Variants in SAMD4A observed in about 807,000 individuals in gnomAD.
The protein encoded by SAMD4A is protein Smaug homolog 1.
A neutral mutation model predicts 81.3 loss-of-function variants in SAMD4A; 33 were observed. That is an observed-to-expected ratio of 0.41 (90% CI 0.31 to 0.54). The LOEUF is 0.54. Ranked by LOEUF, SAMD4A falls within the 20% of genes least tolerant of loss-of-function variation. The pLI, the probability that SAMD4A is intolerant of heterozygous loss-of-function variation, is 0.37. For missense variants in SAMD4A, 854 were observed against 951.1 expected (o/e 0.90, Z 1.34); for synonymous variants, 389 against 382.1 (o/e 1.02, Z -0.21).
chr14:54,579,792 A>C (rs2033413287), intron 2 of SAMD4A, among the ~76,000 whole-genome samples: 1 of 152,208 alleles, frequency 6.6e-6, no homozygotes. Context: ...TGCACACTGC[A>C]GAAAGGAAAG....
intron 2 of SAMD4A, among the ~76,000 whole-genome samples, chr14:54,674,912 C>A (rs528111043): frequency 3.3e-5 from 5 of 152,262 alleles, no homozygotes; most frequent in African/African-American, 1.2e-4. Flanking sequence ...TGATGCCCAG[C>A]GAATTTTGAA....
intron 12 of SAMD4A, among the ~76,000 whole-genome samples, chr14:54,788,360 C>T (rs1455054528): frequency 6.6e-6 from 1 of 152,088 alleles, no homozygotes; most frequent in Non-Finnish European, 1.5e-5. Context: ...CTGGCTCTTC[C>T]ACCCCATCTC....
At chr14:54,683,028 C>T (rs2036166601) in intron 2 of SAMD4A, among the ~76,000 whole-genome samples, 2 of 152,164 alleles carry the variant, frequency 1.3e-5, no homozygotes, top group Middle Eastern at 3.2e-3. Context: ...AAGCTGAGTG[C>T]CCCAAGGGTA....
At chr14:54,685,625 C>A in intron 2 of SAMD4A, 1 of 442,864 alleles carries the variant, frequency 2.3e-6, no homozygotes, top group South Asian at 1.6e-5. Flanking sequence ...CTGATCTTAG[C>A]CAAATGGTTA....
chr14:54,596,879 G>C (rs1455979311), intron 2 of SAMD4A, among the ~76,000 whole-genome samples: 1 of 152,162 alleles, frequency 6.6e-6, no homozygotes, highest in East Asian at 1.9e-4. Flanking sequence ...AGAATATCCA[G>C]CCGGGAGAGA....
chr14:54,591,817 T>G (rs1293510239), intron 2 of SAMD4A, among the ~76,000 whole-genome samples: 1 of 152,230 alleles, frequency 6.6e-6, no homozygotes, highest in South Asian at 2.1e-4. Flanking sequence ...TAAAATTATA[T>G]GCAGATTAGG....
chr14:54,773,270 T>C (rs2038752542), intron 9 of SAMD4A, among the ~76,000 whole-genome samples: 1 of 152,176 alleles, frequency 6.6e-6, no homozygotes, highest in Admixed American at 6.5e-5. Flanking sequence ...CACAGCTCTC[T>C]TTCTCAGGAA....
intron 10 of SAMD4A, among the ~76,000 whole-genome samples, chr14:54,775,393 G>GCAAGACCTATTT (rs2038816345): frequency 6.6e-6 from 1 of 152,348 alleles, no homozygotes; most frequent in East Asian, 1.9e-4. Context: ...AGAAAGAAAT[G>GCAAGACCTATTT]CAAGACCTAT....
At chr14:54,608,520 G>T (rs1346827506) in intron 2 of SAMD4A, among the ~76,000 whole-genome samples, 1 of 152,190 alleles carries the variant, frequency 6.6e-6, no homozygotes, top group African/African-American at 2.4e-5. Flanking sequence ...TATCGCCCCG[G>T]GAAATATTGG....
chr14:54,766,055 G>A (rs1375662894), intron 8 of SAMD4A, among the ~76,000 whole-genome samples: 1 of 151,990 alleles, frequency 6.6e-6, no homozygotes, highest in Non-Finnish European at 1.5e-5. Context: ...CTATACCAAA[G>A]TACTAGACTT....
intron 2 of SAMD4A, among the ~76,000 whole-genome samples, chr14:54,645,346 T>C (rs986671816): frequency 6.6e-6 from 1 of 152,236 alleles, no homozygotes; most frequent in African/African-American, 2.4e-5. Flanking sequence ...CTGCCATGCC[T>C]ATCCCTATCC....
intron 2 of SAMD4A, among the ~76,000 whole-genome samples, chr14:54,585,346 G>A (rs748197382): frequency 8.5e-5 from 13 of 152,122 alleles, no homozygotes; most frequent in Admixed American, 2.0e-4. Context: ...TTTGACCTCA[G>A]GTTATATGCC....
chr14:54,652,951 A>G (rs1361293045), intron 2 of SAMD4A: 1 of 152,100 alleles, frequency 6.6e-6, no homozygotes, highest in Non-Finnish European at 1.5e-5. Context: ...TTCGTCTGCT[A>G]GTTCCCTCTG....
Position 54,702,148 on chromosome 14 carries a change from C to G in SAMD4A, c.283C>G (p.Leu95Val). The G allele has an allele frequency of 6.2e-7, 1 of 1,614,132 alleles. No individual in the cohort carries two copies. The highest frequency in any genetic ancestry group is 2.2e-5 in the East Asian group (1 of 44,880). Residue 95 changes from leucine to valine, a missense_variant, in exon 3 of 13, where the codon CTC becomes GTC. Physicochemically the swap from Leu to Val is conservative, Grantham distance 32. This residue lies in a region of SAMD4A where 387 missense variants were observed against 405.8 expected (regional missense o/e 0.95). Transcript: ENST00000554335. ...THLPLLKPGN[L>V]DAKVEYMKLL... Reference sequence around the variant, plus strand: ...TCTGCCTTTGCTGAAGCCAGGAAACCTCGACGCGAAAGTAGAATATATGAA... The same window carrying G: ...TCTGCCTTTGCTGAAGCCAGGAAACGTCGACGCGAAAGTAGAATATATGAA...
At position 54,777,113 on chromosome 14, in the gene SAMD4A, T is replaced by G. The variant is rs2038873684; in HGVS notation, c.2044+573T>G. On this transcript the variant is annotated intron_variant, in intron 11 of 12. Coordinates refer to ENST00000554335, the MANE Select transcript of SAMD4A (RefSeq NM_015589.6). Reference sequence around the variant, plus strand: ...AATGAATACTTGAACCCTTTCTCTATGCAGGCAGTGATCTTGTAGACTTTG... The same window carrying G: ...AATGAATACTTGAACCCTTTCTCTAGGCAGGCAGTGATCTTGTAGACTTTG... Among the ~76,000 whole-genome samples, 3 of 152,170 alleles carry G rather than the reference T, an allele frequency of 2.0e-5. No individual in the cohort carries two copies. In the South Asian group the frequency reaches 6.2e-4, roughly 32 times the overall value.
chr14:54,718,557 G>T (rs553719045), intron 3 of SAMD4A, among the ~76,000 whole-genome samples: 93 of 151,654 alleles, frequency 6.1e-4, no homozygotes, highest in Middle Eastern at 3.4e-3. Flanking sequence ...TGGGTTTTTT[G>T]TTGTTGTTGT....
chr14:54,669,833 T>TA (rs895247613), intron 2 of SAMD4A, among the ~76,000 whole-genome samples: 10 of 152,200 alleles, frequency 6.6e-5, no homozygotes, highest in African/African-American at 2.4e-4. Context: ...AGGGAACGCT[T>TA]TGCACCAAGA....
At chr14:54,643,738 A>G (rs1028767799) in intron 2 of SAMD4A, among the ~76,000 whole-genome samples, 2 of 152,310 alleles carry the variant, frequency 1.3e-5, no homozygotes, top group African/African-American at 4.8e-5. Flanking sequence ...TGTGCCTTCA[A>G]AGAATGTTTT....
At chr14:54,684,231 AT>A (rs1309383666) in intron 2 of SAMD4A, among the ~76,000 whole-genome samples, 1 of 152,176 alleles carries the variant, frequency 6.6e-6, no homozygotes, top group Non-Finnish European at 1.5e-5. Flanking sequence ...GCCAATAAAT[AT>A]TTACCGAGTT....
Sources: allele counts gnomAD v4.1 joint callset (sites outside exome capture counted in the v4.1 genomes callset), GRCh38; gene constraint gnomAD v4.1.1; regional missense constraint gnomAD v4.1.1; transcripts MANE v1.5; gene names NCBI Gene and HGNC (gene_info 2026-07-23, HGNC 2026-07-21).